Variants in TENM2 observed in about 807,000 individuals in gnomAD.
The protein encoded by TENM2 is teneurin transmembrane protein 2, also known as teneurin-2.
Under a neutral mutation model 245.2 loss-of-function variants are expected in TENM2, and 52 were observed. That is an observed-to-expected ratio of 0.21 (90% CI 0.17 to 0.27). The LOEUF is 0.27. TENM2 is among the 10% of genes least tolerant of loss of function. TENM2 has a pLI of 1.00. For missense variants in TENM2, 3,046 were observed against 3,666.8 expected, an observed-to-expected ratio of 0.83 and a Z score of 4.37; for synonymous variants, 1,363 against 1,438.9, an observed-to-expected ratio of 0.95 and a Z score of 1.19.
intron 2 of TENM2, among the ~76,000 whole-genome samples, chr5:167,649,299 T>C (rs145502163): frequency 1.2e-3 from 189 of 152,252 alleles, no homozygotes; most frequent in African/African-American, 4.3e-3. Context: ...GTTAACATCC[T>C]CCAAGTTGAC....
At chr5:167,641,260 A>G (rs186197411) in intron 2 of TENM2, among the ~76,000 whole-genome samples, 119 of 152,260 alleles carry the variant, frequency 7.8e-4, no homozygotes, top group African/African-American at 2.7e-3. Flanking sequence ...CGTGTCGCCT[A>G]CTTATTTTCA....
chr5:167,871,598 A>G (rs1772832204), intron 2 of TENM2, among the ~76,000 whole-genome samples: 1 of 152,178 alleles, frequency 6.6e-6, no homozygotes, highest in South Asian at 2.1e-4. Context: ...ACCCACACAT[A>G]CACAAGACCA....
At chr5:167,090,555 G>T in the TENM2 span, among the ~76,000 whole-genome samples, 69 of 152,232 alleles carry the variant, frequency 4.5e-4, no homozygotes, top group Non-Finnish European at 7.4e-5. Flanking sequence ...TGTGTGATTC[G>T]CTATGTAACA....
At chr5:167,713,196 T>C (rs1173863298) in intron 2 of TENM2, among the ~76,000 whole-genome samples, 3 of 152,164 alleles carry the variant, frequency 2.0e-5, no homozygotes, top group Non-Finnish European at 4.4e-5. Context: ...ACTAAATTCC[T>C]TGAGCCTCTG....
intron 2 of TENM2, among the ~76,000 whole-genome samples, chr5:167,548,434 C>T (rs1264783049): frequency 6.6e-6 from 1 of 152,046 alleles, no homozygotes; most frequent in Non-Finnish European, 1.5e-5. Flanking sequence ...AGCATTTTAG[C>T]ATCTTTGAAT....
At chr5:168,117,075 C>T (rs948795585) in intron 9 of TENM2, among the ~76,000 whole-genome samples, 1 of 152,190 alleles carries the variant, frequency 6.6e-6, no homozygotes, top group Non-Finnish European at 1.5e-5. Flanking sequence ...AGGAGACCGA[C>T]CACTGAAATC....
chr5:167,815,315 C>A (rs932105426), intron 2 of TENM2, among the ~76,000 whole-genome samples: 3 of 152,100 alleles, frequency 2.0e-5, no homozygotes, highest in South Asian at 2.1e-4. Flanking sequence ...CATAATATAT[C>A]TGAGCCCATG....
chr5:167,290,047 T>C (rs1418016671), intron 1 of TENM2, among the ~76,000 whole-genome samples: 1 of 152,264 alleles, frequency 6.6e-6, no homozygotes, highest in African/African-American at 2.4e-5. Flanking sequence ...GGACTTCTTT[T>C]CATAACTCAA....
intron 2 of TENM2, among the ~76,000 whole-genome samples, chr5:167,657,759 A>G (rs1263002902): frequency 1.3e-5 from 2 of 152,254 alleles, no homozygotes; most frequent in Non-Finnish European, 2.9e-5. Flanking sequence ...GAAAGTAGAC[A>G]TAGATAATCT....
chr5:168,204,542 G>A (rs1009161864), exon 19 of TENM2: 1 of 1,614,000 alleles, frequency 6.2e-7, no homozygotes, highest in African/African-American at 1.3e-5. Flanking sequence ...TGGAATCGAT[G>A]GGAGCCTCTA....
At chr5:167,413,398 A>G (rs1411539480) in intron 2 of TENM2, among the ~76,000 whole-genome samples, 2 of 152,138 alleles carry the variant, frequency 1.3e-5, no homozygotes, top group Non-Finnish European at 2.9e-5. Context: ...AGCATGGATA[A>G]ACTTGTATGA....
At chr5:167,357,368 C>G (rs1330419387) in intron 1 of TENM2, among the ~76,000 whole-genome samples, 5 of 151,394 alleles carry the variant, frequency 3.3e-5, no homozygotes, top group Middle Eastern at 6.3e-3. Context: ...CTGCAACCTC[C>G]GCCTCCCAGG....
chr5:167,183,442 A>G, the TENM2 span, among the ~76,000 whole-genome samples: 1 of 152,302 alleles, frequency 6.6e-6, no homozygotes, highest in African/African-American at 2.4e-5. Context: ...TTTGTCAGCT[A>G]GACAATATAG....
At chr5:167,089,300 A>C in the TENM2 span, among the ~76,000 whole-genome samples, 8 of 152,214 alleles carry the variant, frequency 5.3e-5, no homozygotes, top group Non-Finnish European at 7.3e-5. Context: ...TTACTGTGAT[A>C]GCATATAACA....
At chr5:167,186,462 C>T in the TENM2 span, among the ~76,000 whole-genome samples, 2 of 152,150 alleles carry the variant, frequency 1.3e-5, no homozygotes, top group Non-Finnish European at 1.5e-5. Flanking sequence ...TTTGGTGAGG[C>T]TTGCTGAAGC....
intron 6 of TENM2, among the ~76,000 whole-genome samples, chr5:168,048,361 C>T (rs1788793218): frequency 6.6e-6 from 1 of 152,116 alleles, no homozygotes; most frequent in Admixed American, 6.5e-5. Flanking sequence ...AGGATTTCTC[C>T]AACATGCAAA....
At chr5:167,933,892 GT>G (rs1475091783) in intron 3 of TENM2, among the ~76,000 whole-genome samples, 4 of 152,140 alleles carry the variant, frequency 2.6e-5, no homozygotes, top group African/African-American at 7.2e-5. Flanking sequence ...AAGCTGGCAG[GT>G]GGTAAAAGTG....
chr5:167,917,316 G>T (rs752148439), intron 3 of TENM2, among the ~76,000 whole-genome samples: 1 of 152,036 alleles, frequency 6.6e-6, no homozygotes, highest in Non-Finnish European at 1.5e-5. Context: ...GGGGCAATTA[G>T]CTGCAAATGC....
the TENM2 span, among the ~76,000 whole-genome samples, chr5:167,162,972 T>C: frequency 6.6e-6 from 1 of 152,210 alleles, no homozygotes; most frequent in Non-Finnish European, 1.5e-5. Flanking sequence ...ATTCATTGTC[T>C]AGTCATGAAA....
Sources: gnomAD v4.1 joint callset for allele counts (sites outside exome capture counted in the v4.1 genomes callset) on GRCh38, gnomAD v4.1.1 for gene constraint, MANE v1.5 for transcripts, NCBI Gene and HGNC (gene_info 2026-07-23, HGNC 2026-07-21) for gene names.